The following GALNT13 variants were observed in gnomAD, a reference collection of about 807,000 sequenced individuals.
GALNT13 encodes the protein UDP-GalNAc:polypeptide N-acetylgalactosaminyltransferase 13.
GALNT13 carries 28 observed loss-of-function variants against 64.2 expected under a neutral mutation model. The ratio of observed to expected loss-of-function variants is 0.44; its 90% CI spans 0.32 to 0.60. The LOEUF is 0.60. Ranked by LOEUF, GALNT13 falls within the 20% of genes least tolerant of loss-of-function variation. The pLI, the probability that GALNT13 is intolerant of heterozygous loss-of-function variation, is 0.05. For missense variants in GALNT13, 577 were observed against 669.8 expected, an observed-to-expected ratio of 0.86 and a Z score of 1.53; for synonymous variants, 214 against 224.6, an observed-to-expected ratio of 0.95 and a Z score of 0.42.
At chr2:153,254,527 C>A in the GALNT13 span, among the ~76,000 whole-genome samples, 1 of 152,004 alleles carries the variant, frequency 6.6e-6, no homozygotes, top group African/African-American at 2.4e-5. Context: ...AATATGTTTG[C>A]CCTTGCTTTT....
intron 3 of GALNT13, among the ~76,000 whole-genome samples, chr2:153,968,572 G>A (rs1693534362): frequency 6.6e-6 from 1 of 152,154 alleles, no homozygotes; most frequent in Non-Finnish European, 1.5e-5. Flanking sequence ...TTTTATGAAT[G>A]TGCTTCCTTG....
the GALNT13 span, among the ~76,000 whole-genome samples, chr2:153,857,532 A>T: frequency 6.6e-6 from 1 of 152,190 alleles, no homozygotes; most frequent in Admixed American, 6.5e-5. Flanking sequence ...TTCGTAAAAA[A>T]TCATTGATTT....
the GALNT13 span, among the ~76,000 whole-genome samples, chr2:153,193,621 G>T: frequency 1.3e-5 from 2 of 149,950 alleles, no homozygotes; most frequent in Non-Finnish European, 3.0e-5. Flanking sequence ...AAAAAAATAG[G>T]TTTATAATAA....
rs1040706175 is a variant in GALNT13 at position 153,915,937 on chromosome 2, C to T, written c.-105+14930C>T. On this transcript the variant is annotated intron_variant, in intron 2 of 12. Transcript: ENST00000392825. ...CTTAGTTGTAAAGGAGACTGTTGCA[C>T]GTAGTGTTGTAGCTGCACACACAAC... is the stretch of plus-strand genomic sequence containing the variant. Among the ~76,000 whole-genome samples, 4 of 152,248 alleles carry T rather than the reference C, an allele frequency of 2.6e-5. No individual in the cohort carries two copies. The East Asian group carries it at 5.8e-4, about 22-fold the overall frequency.
chr2:153,880,470 T>A (rs372090380), intron 1 of GALNT13, among the ~76,000 whole-genome samples: 1 of 152,148 alleles, frequency 6.6e-6, no homozygotes, highest in African/African-American at 2.4e-5. Flanking sequence ...TTGTGTGGTT[T>A]AAAAAAGAGT....
intron 10 of GALNT13, among the ~76,000 whole-genome samples, chr2:154,406,622 C>A (rs749032984): frequency 3.3e-5 from 5 of 152,132 alleles, no homozygotes; most frequent in Non-Finnish European, 5.9e-5. Context: ...TTTATTCCAA[C>A]TGACCTTTCC....
At chr2:153,424,984 A>G in the GALNT13 span, among the ~76,000 whole-genome samples, 68 of 151,998 alleles carry the variant, frequency 4.5e-4, no homozygotes, top group South Asian at 4.1e-4. Flanking sequence ...TCAAAAACAT[A>G]CAATGTTGAC....
At chr2:153,512,132 A>T in the GALNT13 span, among the ~76,000 whole-genome samples, 3 of 152,138 alleles carry the variant, frequency 2.0e-5, no homozygotes, top group Non-Finnish European at 4.4e-5. Context: ...ACCTATGAGG[A>T]CATTGAAACC....
chr2:154,053,824 T>C (rs1699768481), intron 3 of GALNT13, among the ~76,000 whole-genome samples: 1 of 152,178 alleles, frequency 6.6e-6, no homozygotes, highest in African/African-American at 2.4e-5. Flanking sequence ...GGTGAGTCAA[T>C]CTTCTTAATT....
At chr2:153,503,197 T>A in the GALNT13 span, among the ~76,000 whole-genome samples, 1 of 152,356 alleles carries the variant, frequency 6.6e-6, no homozygotes, top group East Asian at 1.9e-4. Context: ...TCTTCTAGAA[T>A]CCTTATGGTT....
At chr2:153,292,305 TGTAA>T in the GALNT13 span, among the ~76,000 whole-genome samples, 1 of 39,574 alleles carries the variant, frequency 2.5e-5, no homozygotes, top group African/African-American at 7.9e-5. Context: ...GTAACTTATC[TGTAA>T]TTTTGTTTTA....
chr2:153,711,957 C>T, the GALNT13 span, among the ~76,000 whole-genome samples: 39 of 152,242 alleles, frequency 2.6e-4, no homozygotes, highest in African/African-American at 8.7e-4. Context: ...TCAAAGCAGT[C>T]TTTTTGAAAT....
the GALNT13 span, among the ~76,000 whole-genome samples, chr2:153,367,397 G>A: frequency 6.6e-6 from 1 of 152,034 alleles, no homozygotes; most frequent in East Asian, 1.9e-4. Context: ...ATAATGATCC[G>A]TCAAGGTGTC....
chr2:154,179,785 A>G (rs1417982059), intron 4 of GALNT13, among the ~76,000 whole-genome samples: 3 of 150,668 alleles, frequency 2.0e-5, no homozygotes, highest in Non-Finnish European at 2.9e-5. Flanking sequence ...CAGAAATGAC[A>G]TTTGTCAGTA....
chr2:153,677,284 TACACAC>T, the GALNT13 span, among the ~76,000 whole-genome samples: 2,186 of 144,730 alleles, frequency 0.015, 22 homozygotes, highest in Middle Eastern at 0.028. Flanking sequence ...ACAATAGACA[TACACAC>T]ACACACACAC....
chr2:153,912,439 C>CTTGGAGAACTAGGGTGGTCAT (rs1371736429), intron 2 of GALNT13, among the ~76,000 whole-genome samples: 1 of 152,084 alleles, frequency 6.6e-6, no homozygotes, highest in Non-Finnish European at 1.5e-5. Flanking sequence ...AACAACTCTT[C>CTTGGAGAACTAGGGTGGTCAT]TTGGAGAACT....
the GALNT13 span, among the ~76,000 whole-genome samples, chr2:153,443,215 A>G: frequency 1.3e-5 from 2 of 152,304 alleles, no homozygotes; most frequent in Admixed American, 1.3e-4. Context: ...GCGGATTGCA[A>G]ACACTGTGGG....
chr2:154,108,211 A>G (rs566871859), intron 3 of GALNT13, among the ~76,000 whole-genome samples: 1 of 151,002 alleles, frequency 6.6e-6, no homozygotes, highest in East Asian at 2.0e-4. Context: ...AGCTGTAATA[A>G]TTTACATTCC....
At position 154,079,908 on chromosome 2, in the gene GALNT13, T is replaced by C. The variant is rs554755302; in HGVS notation, c.143-60429T>C. ...ATTGGAGAAGGAATATTAAGGAAAA[T>C]TTACATTACATTTTATTCTTTTGTT... On this transcript the variant is annotated intron_variant, in intron 3 of 12. Transcript: ENST00000392825. Among the ~76,000 whole-genome samples, 245 of 151,604 alleles carry C rather than the reference T, an allele frequency of 1.6e-3. 1 individual carries two copies. The highest frequency in any genetic ancestry group is 2.4e-3 in the Non-Finnish European group (165 of 67,738).
Sources: allele counts gnomAD v4.1 joint callset (sites outside exome capture counted in the v4.1 genomes callset), GRCh38; gene constraint gnomAD v4.1.1; transcripts MANE v1.5; gene names NCBI Gene and HGNC (gene_info 2026-07-23, HGNC 2026-07-21).